GPR39: variants seen among roughly 807,000 people sequenced by gnomAD.
GPR39 encodes G protein-coupled receptor 39.
Under a neutral mutation model 18.4 loss-of-function variants are expected in GPR39, and 23 were observed. The ratio of observed to expected loss-of-function variants is 1.25; its 90% CI spans 0.90 to 1.77. The LOEUF (loss-of-function observed/expected upper bound fraction) is 1.77, where lower values mean the gene tolerates loss of function less well. Ranked by LOEUF, GPR39 falls within the 40% of genes most tolerant of loss-of-function variation. GPR39 has a pLI of 0.00. For synonymous variants in GPR39, 280 were observed against 257.9 expected, an observed-to-expected ratio of 1.09 and a Z score of -0.82; for missense variants, 647 against 602.4, an observed-to-expected ratio of 1.07 and a Z score of -0.78.
Position 132,645,845 on chromosome 2 carries a change from C to A in GPR39, c.*239C>A. 1.5e-6 allele frequency: 1 copy of A among 670,106 alleles called. No individual in the cohort carries two copies. 41.5% of individuals were successfully genotyped at this position (670,106 alleles called of 1,614,324 possible). A position where few individuals can be genotyped will look rare whatever the true frequency, so the allele number is the denominator to read the frequency against. Reference sequence around the variant, plus strand: ...TCCACCTCCTTCCTTCAAGTACATACTGAAAATTCAGTCAGGCTGAATTTA... The same window carrying A: ...TCCACCTCCTTCCTTCAAGTACATAATGAAAATTCAGTCAGGCTGAATTTA... On this transcript the variant is annotated 3_prime_UTR_variant, in exon 2 of 2. Transcript: ENST00000329321.
chr2:132,606,887 G>A (rs964158653), intron 1 of GPR39, among the ~76,000 whole-genome samples: 2 of 152,188 alleles, frequency 1.3e-5, no homozygotes, highest in Non-Finnish European at 2.9e-5. Context: ...TCCCCCTGGA[G>A]TCCGCGTTGC....
At chr2:132,587,560 C>T (rs1256792654) in intron 1 of GPR39, among the ~76,000 whole-genome samples, 1 of 152,104 alleles carries the variant, frequency 6.6e-6, no homozygotes, top group Non-Finnish European at 1.5e-5. Flanking sequence ...GAGATGGAGT[C>T]TTGCTCTATC....
chr2:132,481,306 A>G (rs978944814), intron 1 of GPR39, among the ~76,000 whole-genome samples: 2 of 152,152 alleles, frequency 1.3e-5, no homozygotes, highest in Non-Finnish European at 2.9e-5. Flanking sequence ...GTAATTCCAA[A>G]TCTATGTTTC....
chr2:132,566,949 G>A (rs111534461), intron 1 of GPR39, among the ~76,000 whole-genome samples: 1 of 152,274 alleles, frequency 6.6e-6, no homozygotes, highest in African/African-American at 2.4e-5. Context: ...TTCTCCATTT[G>A]CCTTCTTCCT....
At chr2:132,504,971 A>G (rs922376518) in intron 1 of GPR39, among the ~76,000 whole-genome samples, 2 of 152,200 alleles carry the variant, frequency 1.3e-5, no homozygotes, top group African/African-American at 4.8e-5. Flanking sequence ...AGTTGGTGGA[A>G]ATCTGTCCAG....
chr2:132,523,103 G>A (rs1195666016), intron 1 of GPR39, among the ~76,000 whole-genome samples: 1 of 152,244 alleles, frequency 6.6e-6, no homozygotes, highest in African/African-American at 2.4e-5. Context: ...GCAAATGTCT[G>A]TAGGTGCTGG....
In GPR39 at chr2:132,645,894, T is replaced by G. The variant is rs887352657; in HGVS notation, c.*288T>G. The G allele has an allele frequency of 5.9e-6, 4 of 674,132 alleles. No individual in the cohort carries two copies. The highest frequency in any genetic ancestry group is 9.8e-6 in the Non-Finnish European group (4 of 407,762). 41.8% of individuals were successfully genotyped at this position (674,132 alleles called of 1,614,324 possible). A position where few individuals can be genotyped will look rare whatever the true frequency, so the allele number is the denominator to read the frequency against. ...TATTCAGAATGCTTTACCGAGCTCT[T>G]TCATTATTTGCACAGGAACAAAAGA... On this transcript the variant is annotated 3_prime_UTR_variant, in exon 2 of 2. Transcript: ENST00000329321.
chr2:132,435,186 A>T (rs1002066439), intron 1 of GPR39, among the ~76,000 whole-genome samples: 31 of 152,164 alleles, frequency 2.0e-4, no homozygotes, highest in African/African-American at 6.5e-4. Context: ...GACAGAAATT[A>T]TGGTGTATTT....
intron 1 of GPR39, among the ~76,000 whole-genome samples, chr2:132,594,779 A>T (rs1680907300): frequency 6.6e-6 from 1 of 151,864 alleles, no homozygotes. Context: ...TTTATTCCAA[A>T]TCCACCATTT....
At chr2:132,623,934 C>T (rs1681493051) in intron 1 of GPR39, among the ~76,000 whole-genome samples, 1 of 152,106 alleles carries the variant, frequency 6.6e-6, no homozygotes, top group South Asian at 2.1e-4. Context: ...TTGACCACCC[C>T]CTCACCTCCA....
intron 1 of GPR39, among the ~76,000 whole-genome samples, chr2:132,436,609 A>G (rs1680323340): frequency 6.6e-6 from 1 of 152,196 alleles, no homozygotes; most frequent in African/African-American, 2.4e-5. Context: ...ACAATGTATC[A>G]TCCATCCTCA....
chr2:132,488,439 A>G (rs1014411448), intron 1 of GPR39: 7 of 153,114 alleles, frequency 4.6e-5, no homozygotes, highest in Non-Finnish European at 7.3e-5. Context: ...AAAAGCAAGG[A>G]CTTAAGGTCT....
chr2:132,614,017 T>G (rs547665338), intron 1 of GPR39, among the ~76,000 whole-genome samples: 1 of 152,212 alleles, frequency 6.6e-6, no homozygotes, highest in Non-Finnish European at 1.5e-5. Context: ...GGGTAGCAAC[T>G]TAAGCATACT....
Position 132,645,915 on chromosome 2 carries a change from A to G in GPR39, c.*309A>G. 1 of 717,844 alleles carries G rather than the reference A, an allele frequency of 1.4e-6. No homozygotes were observed. Among genetic ancestry groups the G allele is most frequent in the Admixed American group, 3.3e-5 (1 of 30,000 alleles). 44.5% of individuals were successfully genotyped at this position (717,844 alleles called of 1,614,324 possible). A position where few individuals can be genotyped will look rare whatever the true frequency, so the allele number is the denominator to read the frequency against. The stretch of plus-strand genomic sequence containing the variant: ...CTCTTTCATTATTTGCACAGGAACA[A>G]AAGAGAACACGGACTCCCGCTCCCT... On this transcript the variant is annotated 3_prime_UTR_variant, in exon 2 of 2. Coordinates refer to ENST00000329321, the MANE Select transcript of GPR39 (RefSeq NM_001508.3).
intron 1 of GPR39, among the ~76,000 whole-genome samples, chr2:132,486,266 G>T (rs757395760): frequency 1.8e-4 from 28 of 152,176 alleles, no homozygotes; most frequent in Non-Finnish European, 3.4e-4. Context: ...AGTAGATTTG[G>T]CATAATTCTG....
intron 1 of GPR39, among the ~76,000 whole-genome samples, chr2:132,627,801 C>T (rs533088929): frequency 2.4e-4 from 36 of 152,298 alleles, no homozygotes; most frequent in African/African-American, 7.0e-4. Context: ...TTTGCTCCAT[C>T]CCTAGCAGCT....
chr2:132,496,751 A>C (rs1322825553), intron 1 of GPR39, among the ~76,000 whole-genome samples: 1 of 152,200 alleles, frequency 6.6e-6, no homozygotes, highest in Non-Finnish European at 1.5e-5. Flanking sequence ...CTGCCTGTGC[A>C]GTGCTGGGCT....
At chr2:132,592,251 G>C (rs1406514823) in intron 1 of GPR39, among the ~76,000 whole-genome samples, 1 of 152,208 alleles carries the variant, frequency 6.6e-6, no homozygotes, top group Non-Finnish European at 1.5e-5. Context: ...AAACTGTAGA[G>C]AGTGTGTCGG....
At chr2:132,432,487 C>T (rs1393863827) in intron 1 of GPR39, among the ~76,000 whole-genome samples, 2 of 152,168 alleles carry the variant, frequency 1.3e-5, no homozygotes, top group East Asian at 3.9e-4. Flanking sequence ...CCCTCTGCCT[C>T]CCTCTTCTGA....
Sources: allele counts gnomAD v4.1 joint callset (sites outside exome capture counted in the v4.1 genomes callset), GRCh38; gene constraint gnomAD v4.1.1; transcripts MANE v1.5; gene names NCBI Gene and HGNC (gene_info 2026-07-23, HGNC 2026-07-21).